Variants in SIRPA observed in about 807,000 individuals in gnomAD.
The protein encoded by SIRPA is signal regulatory protein alpha.
A neutral mutation model predicts 50.3 loss-of-function variants in SIRPA; 9 were observed. The ratio of observed to expected loss-of-function variants is 0.18; its 90% CI spans 0.11 to 0.31. The LOEUF (loss-of-function observed/expected upper bound fraction) is 0.31. Among genes scored for constraint, SIRPA ranks in the 10% least tolerant of loss-of-function variants. The probability of loss-of-function intolerance (pLI) is 1.00; values close to 1 mark genes in which losing one functional copy is unlikely to be tolerated. For synonymous variants in SIRPA, 265 were observed against 284.1 expected (o/e 0.93, Z 0.68); for missense variants, 474 against 661.6 (o/e 0.72, Z 3.11).
chr20:1,911,561 T>G (rs1259056242), intron 1 of SIRPA, among the ~76,000 whole-genome samples: 2 of 152,202 alleles, frequency 1.3e-5, no homozygotes, highest in Non-Finnish European at 2.9e-5. Context: ...AACCATCCCC[T>G]ATCATTGACC....
At chr20:1,925,809 C>A (rs1725645237) in intron 5 of SIRPA, among the ~76,000 whole-genome samples, 1 of 152,208 alleles carries the variant, frequency 6.6e-6, no homozygotes, top group Non-Finnish European at 1.5e-5. Context: ...AATACATGTT[C>A]TCTTTCCCAC....
chr20:1,924,612 C>A lies in SIRPA; in HGVS notation c.1088-152C>A. On this transcript the variant is annotated intron_variant, in intron 4 of 7. Coordinates refer to ENST00000358771, the MANE Select transcript of SIRPA (RefSeq NM_001040023.2). The surrounding 1 kb of genome is among the most constrained non-coding windows in gnomAD (Gnocchi z 4.5). ...TCTCGTGGGCAAGTGTGTACAGACCCATGAGTGTGCCCATGTGGCTCGAGA... is the reference window on the plus strand; with the variant it reads ...TCTCGTGGGCAAGTGTGTACAGACCAATGAGTGTGCCCATGTGGCTCGAGA... 1.5e-6 allele frequency: 1 copy of A among 656,868 alleles called. No homozygotes were observed. Among genetic ancestry groups the A allele is most frequent in the Admixed American group, 2.3e-5 (1 of 44,354 alleles). The allele number at this position is 656,868 out of a possible 1,614,324, so 40.7% of individuals were successfully genotyped here. A position where few individuals can be genotyped will look rare whatever the true frequency, so the allele number is the denominator to read the frequency against.
chr20:1,905,088 A>T (rs1463420436), intron 1 of SIRPA, among the ~76,000 whole-genome samples: 1 of 152,224 alleles, frequency 6.6e-6, no homozygotes, highest in Non-Finnish European at 1.5e-5. Flanking sequence ...TGCTTTTGCA[A>T]GCTGCAAAAT....
chr20:1,918,684 G>T (rs1600428574), intron 2 of SIRPA, among the ~76,000 whole-genome samples: 1 of 152,066 alleles, frequency 6.6e-6, no homozygotes, highest in African/African-American at 2.4e-5. Context: ...GTTTTCCCAA[G>T]GTCATGTGAT....
intron 2 of SIRPA, among the ~76,000 whole-genome samples, chr20:1,917,860 G>T (rs546006704): frequency 6.6e-6 from 1 of 152,310 alleles, no homozygotes; most frequent in East Asian, 1.9e-4. Context: ...AGGGTAACCA[G>T]ATCTGGGTAC....
At chr20:1,903,035 A>G (rs1180393562) in intron 1 of SIRPA, among the ~76,000 whole-genome samples, 109 of 96,712 alleles carry the variant, frequency 1.1e-3, no homozygotes, top group African/African-American at 5.3e-3. Flanking sequence ...AAAAAAAAGA[A>G]AAGAAAGAAA....
chr20:1,921,597 C>T lies in SIRPA; in HGVS notation c.639C>T (p.Ala213=). The T allele has an allele frequency of 6.2e-7, 1 of 1,614,246 alleles. No individual in the cohort carries two copies. The highest frequency in any genetic ancestry group is 8.5e-7 in the Non-Finnish European group (1 of 1,180,054). The change falls in exon 3 of 8, where the codon GCC becomes GCT. Residue 213 remains alanine (A), a synonymous_variant. Coordinates refer to ENST00000358771, the MANE Select transcript of SIRPA (RefSeq NM_001040023.2). ...ESVSYSIHST[A]KVVLTREDVH... ...TGTCCTACAGCATCCACAGCACAGC[C>T]AAGGTGGTGCTGACCCGCGAGGACG... is the stretch of plus-strand genomic sequence containing the variant.
intron 1 of SIRPA, among the ~76,000 whole-genome samples, chr20:1,902,835 A>C (rs1022049423): frequency 2.6e-5 from 4 of 152,140 alleles, no homozygotes; most frequent in Non-Finnish European, 5.9e-5. Flanking sequence ...AACATGGCGA[A>C]ATCCCATCTC....
intron 1 of SIRPA, among the ~76,000 whole-genome samples, chr20:1,909,508 G>A (rs1020088551): frequency 1.5e-4 from 23 of 152,206 alleles, no homozygotes; most frequent in African/African-American, 4.3e-4. Context: ...TGGGCAGGGC[G>A]CAGTGGCTCA....
At chr20:1,919,637 G>GC (rs1985524347) in intron 2 of SIRPA, among the ~76,000 whole-genome samples, 1 of 152,026 alleles carries the variant, frequency 6.6e-6, no homozygotes, top group Admixed American at 6.5e-5. Context: ...TTCCAATTCG[G>GC]CCCCAGAACC....
Position 1,923,592 on chromosome 20 carries a change from C to T in SIRPA, c.1087+947C>T, listed in dbSNP as rs80086010. Among the ~76,000 whole-genome samples the T allele has an allele frequency of 9.0e-3, 1,371 of 152,062 alleles. 22 individuals are homozygous for T. Among genetic ancestry groups the T allele is most frequent in the African/African-American group, 0.031 (1,267 of 41,472 alleles). On this transcript the variant is annotated intron_variant, in intron 4 of 7. Transcript: ENST00000358771. ...TGGCCAATGCCGGGTTTTCCTAGGA[C>T]GTGTAGGGCATCGGCCAATGCCAGG...
intron 2 of SIRPA, among the ~76,000 whole-genome samples, chr20:1,916,882 A>G (rs1985336134): frequency 6.6e-6 from 1 of 152,168 alleles, no homozygotes; most frequent in Admixed American, 6.5e-5. Context: ...GTGTGTGGAT[A>G]TGGCCTAATT....
At chr20:1,902,294 A>T (rs1259638325) in intron 1 of SIRPA, among the ~76,000 whole-genome samples, 1 of 152,060 alleles carries the variant, frequency 6.6e-6, no homozygotes, top group Non-Finnish European at 1.5e-5. Flanking sequence ...ACCACGAGCC[A>T]AACAGTATGG....
In SIRPA at chr20:1,927,276, C is replaced by T. The variant is rs532593112; in HGVS notation, c.1202-599C>T. Among the ~76,000 whole-genome samples the T allele has an allele frequency of 9.0e-4, 137 of 152,280 alleles. 1 individual carries two copies. The highest frequency in any genetic ancestry group is 3.2e-3 in the African/African-American group (133 of 41,552). ...CCTGGAGGCTTCTCTGTGGGTTACC[C>T]CATATCACAGGTTTAAAACCTCTGA... On this transcript the variant is annotated intron_variant, in intron 5 of 7. Coordinates refer to ENST00000358771, the MANE Select transcript of SIRPA (RefSeq NM_001040023.2). This position sits in a 1 kb window ranked among gnomAD's most constrained non-coding sequence, Gnocchi z 6.5.
intron 1 of SIRPA, among the ~76,000 whole-genome samples, chr20:1,907,042 A>C (rs1249932800): frequency 6.6e-6 from 1 of 152,182 alleles, no homozygotes; most frequent in Non-Finnish European, 1.5e-5. Context: ...CAAGACATAA[A>C]GGTCATCTGG....
rs768710006 is a variant in SIRPA, at chr20:1,924,834, A to G, written c.1158A>G (p.Leu386=). The G allele has an allele frequency of 6.2e-7, 1 of 1,614,124 alleles. No individual in the cohort carries two copies. Among genetic ancestry groups the G allele is most frequent in the East Asian group, 2.2e-5 (1 of 44,890 alleles). Residue 386 remains leucine, a synonymous_variant, in exon 5 of 8, where the codon CTA becomes CTG. Coordinates refer to ENST00000358771, the MANE Select transcript of SIRPA (RefSeq NM_001040023.2). This position sits in a 1 kb window ranked among gnomAD's most constrained non-coding sequence, Gnocchi z 4.5. ...VGVVCTLLVA[L]LMAALYLVRI... Reference sequence around the variant, plus strand: ...TGGTGTGCACCTTGCTGGTGGCCCTACTGATGGCGGCCCTCTACCTCGTCC... The same window carrying G: ...TGGTGTGCACCTTGCTGGTGGCCCTGCTGATGGCGGCCCTCTACCTCGTCC...
At chr20:1,923,702 A>T (rs1296512032) in intron 4 of SIRPA, among the ~76,000 whole-genome samples, 1 of 150,180 alleles carries the variant, frequency 6.7e-6, no homozygotes, top group African/African-American at 2.4e-5. Context: ...TTTTCATGGG[A>T]TGTGTAGGGC....
At position 1,934,778 on chromosome 20, in the gene SIRPA, T is replaced by G; in HGVS notation, c.1266+24T>G. 1 of 1,613,538 alleles carries G rather than the reference T, an allele frequency of 6.2e-7. No homozygotes were observed. The highest frequency in any genetic ancestry group is 1.1e-5 in the South Asian group (1 of 90,956). ...AGGTACAGTCCTTGGTGAGATGCCC[T>G]TCCTGGGAAACTCCGTGGCGTGGTT... is the stretch of plus-strand genomic sequence containing the variant. On this transcript the variant is annotated intron_variant, in intron 7 of 7. Coordinates refer to ENST00000358771, the MANE Select transcript of SIRPA (RefSeq NM_001040023.2). This position sits in a 1 kb window ranked among gnomAD's most constrained non-coding sequence, Gnocchi z 4.6.
At position 1,921,570 on chromosome 20, in the gene SIRPA, C is replaced by T. The variant is rs183144771; in HGVS notation, c.612C>T (p.Ser204=). ...CCAACGTGGACCCCGTAGGAGAGAGCGTGTCCTACAGCATCCACAGCACAG... is the reference window on the plus strand; with the variant it reads ...CCAACGTGGACCCCGTAGGAGAGAGTGTGTCCTACAGCATCCACAGCACAG... ...FQTNVDPVGE[S]VSYSIHSTAK... The change falls in exon 3 of 8, where the codon AGC becomes AGT. Residue 204 remains serine (S), a synonymous_variant. Coordinates refer to ENST00000358771, the MANE Select transcript of SIRPA (RefSeq NM_001040023.2). 1.9e-5 allele frequency: 30 copies of T among 1,614,244 alleles called. No homozygotes were observed. Among genetic ancestry groups the T allele is most frequent in the Admixed American group, 6.7e-5 (4 of 60,032 alleles).
Sources: allele counts gnomAD v4.1 joint callset (sites outside exome capture counted in the v4.1 genomes callset), GRCh38; gene constraint gnomAD v4.1.1; non-coding constraint Gnocchi (gnomAD v3.1); transcripts MANE v1.5; gene names NCBI Gene and HGNC (gene_info 2026-07-23, HGNC 2026-07-21).